C19orf44: variants seen among roughly 807,000 people sequenced by gnomAD.
C19orf44 encodes chromosome 19 open reading frame 44.
Under a neutral mutation model 50.7 loss-of-function variants are expected in C19orf44, and 43 were observed. That is an observed-to-expected ratio of 0.85 (90% CI 0.66 to 1.09). C19orf44 has a LOEUF of 1.09. Ranked by LOEUF, C19orf44 falls within the 50% of genes least tolerant of loss-of-function variation. The pLI is 0.00. For synonymous variants in C19orf44, 298 were observed against 334.7 expected (o/e 0.89, Z 1.20); for missense variants, 722 against 836.2 (o/e 0.86, Z 1.68).
rs373893265 is a variant in C19orf44, at chr19:16,509,582, C to T, written c.1233C>T (p.Ala411=). 8.1e-6 allele frequency: 13 copies of T among 1,613,566 alleles called. No homozygotes were observed. Among genetic ancestry groups the T allele is most frequent in the Non-Finnish European group, 1.1e-5 (13 of 1,179,690 alleles). The change falls in exon 5 of 9, where the codon GCC becomes GCT. Residue 411 remains alanine, a synonymous_variant. Coordinates refer to ENST00000221671, the MANE Select transcript of C19orf44 (RefSeq NM_032207.4). Reference sequence around the variant, plus strand: ...CTGGGCAGGATGCCCCGAGGCAGGCCCAGGCGAGGAGCTGGGCATCACAGG... The same window carrying T: ...CTGGGCAGGATGCCCCGAGGCAGGCTCAGGCGAGGAGCTGGGCATCACAGG... ...ASTGQDAPRQ[A]QARSWASQGK...
In C19orf44 at chr19:16,520,539, C is replaced by T; in HGVS notation, c.*486C>T. Reference sequence around the variant, plus strand: ...GGAGAGGCCTGATGATCAGGTGCCCCAGTGGATGGGCTGCACCCAGCCCAC... The same window carrying T: ...GGAGAGGCCTGATGATCAGGTGCCCTAGTGGATGGGCTGCACCCAGCCCAC... On this transcript the variant is annotated 3_prime_UTR_variant, in exon 9 of 9. Transcript: ENST00000221671. This position sits in a 1 kb window ranked among gnomAD's most constrained non-coding sequence, Gnocchi z 4.0. 6.3e-7 allele frequency: 1 copy of T among 1,597,868 alleles called. No homozygotes were observed. Among genetic ancestry groups the T allele is most frequent in the Non-Finnish European group, 8.5e-7 (1 of 1,171,438 alleles).
At position 16,513,224 on chromosome 19, in the gene C19orf44, C is replaced by A. The variant is rs2093462817; in HGVS notation, c.1735+115C>A. The A allele has an allele frequency of 1.2e-5, 12 of 1,021,406 alleles. No individual in the cohort carries two copies. In the Admixed American group the frequency reaches 1.5e-4, roughly 13 times the overall value. The allele number at this position is 1,021,406 out of a possible 1,614,324, so 63.3% of individuals were successfully genotyped here. Reference sequence around the variant, plus strand: ...CCCTTGCATGCTGGCTTCCAGGGGTCCATTGGGCAGGGATTATTGCAGCCA... The same window carrying A: ...CCCTTGCATGCTGGCTTCCAGGGGTACATTGGGCAGGGATTATTGCAGCCA... On this transcript the variant is annotated intron_variant, in intron 6 of 8. Transcript: ENST00000221671.
chr19:16,520,408 T>C lies in C19orf44; in HGVS notation c.*355T>C. On this transcript the variant is annotated 3_prime_UTR_variant, in exon 9 of 9. Transcript: ENST00000221671. The surrounding 1 kb of genome is among the most constrained non-coding windows in gnomAD (Gnocchi z 4.0). ...AGGAACGGGAGCAGGAGCGCGACCT[T>C]GACCTTGAGTACGAGCCTGAAGACT... is the stretch of plus-strand genomic sequence containing the variant. 1 of 1,614,022 alleles carries C rather than the reference T, an allele frequency of 6.2e-7. No individual in the cohort carries two copies. The highest frequency in any genetic ancestry group is 8.5e-7 in the Non-Finnish European group (1 of 1,179,966).
intron 3 of C19orf44, 63 bp from the exon 4 acceptor site, chr19:16,506,638 T>TA: frequency 8.8e-7 from 1 of 1,141,732 alleles, no homozygotes; most frequent in Non-Finnish European, 1.2e-6. Flanking sequence ...GGAAGGTTTG[T>TA]AAAAATTTAT....
rs754243003 is a variant in C19orf44, at chr19:16,501,454, T to C, written c.662T>C (p.Leu221Ser). ...PDSDEEEMKV[L>S]LGSLMDSSRE... ...AGTGACGAAGAAGAAATGAAAGTATTGCTAGGAAGCTTGATGGACTCTTCT... is the reference window on the plus strand; with the variant it reads ...AGTGACGAAGAAGAAATGAAAGTATCGCTAGGAAGCTTGATGGACTCTTCT... The change falls in exon 2 of 9, where the codon TTG becomes TCG. Residue 221 changes from leucine to serine, a missense_variant. Physicochemically the swap from Leu to Ser is moderately radical, Grantham distance 145. Transcript: ENST00000221671. The C allele has an allele frequency of 1.2e-6, 2 of 1,613,408 alleles. No homozygotes were observed. Among genetic ancestry groups the C allele is most frequent in the Non-Finnish European group, 1.7e-6 (2 of 1,179,810 alleles).
At chr19:16,511,569 A>G (rs552404674) in intron 5 of C19orf44, among the ~76,000 whole-genome samples, 2 of 151,774 alleles carry the variant, frequency 1.3e-5, no homozygotes, top group African/African-American at 4.8e-5. Context: ...TTCCCATGTT[A>G]TTATTTTATT....
chr19:16,519,773 C>G lies in C19orf44; in HGVS notation c.*41-321C>G. ...GTAACTGAGACATTTATTGGAATGA[C>G]AGTGATGAGGACCTCACAGCCGCAG... is the stretch of plus-strand genomic sequence containing the variant. On this transcript the variant is annotated intron_variant, in intron 8 of 8. Coordinates refer to ENST00000221671, the MANE Select transcript of C19orf44 (RefSeq NM_032207.4). This position sits in a 1 kb window ranked among gnomAD's most constrained non-coding sequence, Gnocchi z 6.0. 1 of 1,436,330 alleles carries G rather than the reference C, an allele frequency of 7.0e-7. No individual in the cohort carries two copies. The highest frequency in any genetic ancestry group is 1.1e-5 in the South Asian group (1 of 87,076). The allele number at this position is 1,436,330 out of a possible 1,614,324, so 89.0% of individuals were successfully genotyped here.
Position 16,520,409 on chromosome 19 carries a change from G to A in C19orf44, c.*356G>A. On this transcript the variant is annotated 3_prime_UTR_variant, in exon 9 of 9. Coordinates refer to ENST00000221671, the MANE Select transcript of C19orf44 (RefSeq NM_032207.4). The surrounding 1 kb of genome is among the most constrained non-coding windows in gnomAD (Gnocchi z 4.0). ...GGAACGGGAGCAGGAGCGCGACCTT[G>A]ACCTTGAGTACGAGCCTGAAGACTT... The A allele has an allele frequency of 6.2e-7, 1 of 1,614,118 alleles. No homozygotes were observed. The highest frequency in any genetic ancestry group is 8.5e-7 in the Non-Finnish European group (1 of 1,180,016).
At chr19:16,501,584 A>T (rs569082927) in intron 2 of C19orf44, 33 bp downstream of exon 2, 2 of 1,270,560 alleles carry the variant, frequency 1.6e-6, no homozygotes, top group African/African-American at 3.2e-5. Context: ...AATTTATTTT[A>T]ATTTATTTAA....
chr19:16,519,556 TG>T lies in C19orf44; in HGVS notation c.*41-536del. 1 of 1,437,752 alleles carries T rather than the reference TG, an allele frequency of 7.0e-7. No homozygotes were observed. Among genetic ancestry groups the T allele is most frequent in the Non-Finnish European group, 9.8e-7 (1 of 1,021,852 alleles). 89.1% of individuals were successfully genotyped at this position (1,437,752 alleles called of 1,614,324 possible). ...ACATGCACTGAGGAAGAGAAAGCGC[TG>T]GTGACTCCCGGGCCCAGCACGCGTG... On this transcript the variant is annotated intron_variant, in intron 8 of 8. Coordinates refer to ENST00000221671, the MANE Select transcript of C19orf44 (RefSeq NM_032207.4). This position sits in a 1 kb window ranked among gnomAD's most constrained non-coding sequence, Gnocchi z 6.0.
rs187202501 is a variant in C19orf44, at chr19:16,508,149, G to T, written c.1150-1350G>T. ...GACACAGTCTCGCTCTGTCGCCCAG[G>T]CTGGGACTACAGTGGCACAATCTCA... On this transcript the variant is annotated intron_variant, in intron 4 of 8. Transcript: ENST00000221671. Among the ~76,000 whole-genome samples, 10 of 151,066 alleles carry T rather than the reference G, an allele frequency of 6.6e-5. No homozygotes were observed. The East Asian group carries it at 1.6e-3, about 24-fold the overall frequency.
Position 16,501,467 on chromosome 19 carries a change from G to A in C19orf44, c.675G>A (p.Leu225=). 6 of 1,613,026 alleles carry A rather than the reference G, an allele frequency of 3.7e-6. No individual in the cohort carries two copies. The highest frequency in any genetic ancestry group is 5.1e-6 in the Non-Finnish European group (6 of 1,179,616). ...EEEMKVLLGS[L]MDSSREKNTN... ...AAATGAAAGTATTGCTAGGAAGCTT[G>A]ATGGACTCTTCTAGAGAAAAAAACA... is the stretch of plus-strand genomic sequence containing the variant. Residue 225 remains leucine, a synonymous_variant, in exon 2 of 9, where the codon TTG becomes TTA. Transcript: ENST00000221671.
intron 5 of C19orf44, among the ~76,000 whole-genome samples, chr19:16,511,317 G>C (rs982316670): frequency 6.6e-6 from 1 of 151,962 alleles, no homozygotes. Context: ...TTATAGGTGT[G>C]AGCCACCGCA....
Position 16,503,235 on chromosome 19 carries a change from C to A in C19orf44, c.930C>A (p.His310Gln). 1 of 1,614,172 alleles carries A rather than the reference C, an allele frequency of 6.2e-7. No homozygotes were observed. The highest frequency in any genetic ancestry group is 8.5e-7 in the Non-Finnish European group (1 of 1,180,050). ...ACGTTTCCAGTGACACCGCCTCCCA[C>A]ACGCCGTCAGTTTCCATCACAGGCG... Reference protein sequence around the residue: ...QSHVSSDTASHTPSVSITGAF... With the variant: ...QSHVSSDTASQTPSVSITGAF... The change falls in exon 3 of 9, where the codon CAC becomes CAA. Residue 310 changes from histidine (H) to glutamine (Q), a missense_variant. Coordinates refer to ENST00000221671, the MANE Select transcript of C19orf44 (RefSeq NM_032207.4).
chr19:16,518,759 T>C, intron 8 of C19orf44: 1 of 222,416 alleles, frequency 4.5e-6, no homozygotes, highest in Non-Finnish European at 8.9e-6. Context: ...GGGTGCCGGC[T>C]CTGGCTCAGG....
At chr19:16,500,623 G>A (rs915410718) in intron 1 of C19orf44, among the ~76,000 whole-genome samples, 169 bp from the exon 2 acceptor site, 4 of 152,116 alleles carry the variant, frequency 2.6e-5, no homozygotes, top group African/African-American at 9.7e-5. Context: ...GATTACAGGT[G>A]TGAGCCACTG....
chr19:16,509,639 C>T lies in C19orf44; in HGVS notation c.1290C>T (p.Ser430=), dbSNP rs147614229. ...GKAASAEGDE[S]EVSEHLSASS... Reference sequence around the variant, plus strand: ...CCGCCTCTGCAGAGGGGGATGAGAGCGAGGTCTCGGAGCATCTCAGTGCCA... The same window carrying T: ...CCGCCTCTGCAGAGGGGGATGAGAGTGAGGTCTCGGAGCATCTCAGTGCCA... Residue 430 remains serine (S), a synonymous_variant, in exon 5 of 9, where the codon AGC becomes AGT. Transcript: ENST00000221671. The T allele has an allele frequency of 2.3e-4, 365 of 1,614,112 alleles. No individual in the cohort carries two copies. Among genetic ancestry groups the T allele is most frequent in the Non-Finnish European group, 2.5e-4 (294 of 1,180,048 alleles).
chr19:16,512,907 A>G (rs1199295210), intron 5 of C19orf44, 107 bp from the exon 6 acceptor site: 3 of 881,684 alleles, frequency 3.4e-6, no homozygotes, highest in Non-Finnish European at 5.1e-6. Flanking sequence ...ACCTTCAGAA[A>G]GAGGGAAGAA....
intron 5 of C19orf44, among the ~76,000 whole-genome samples, chr19:16,512,557 C>T (rs2093460560): frequency 6.6e-6 from 1 of 151,896 alleles, no homozygotes; most frequent in Admixed American, 6.6e-5. Flanking sequence ...TTGGGAAATA[C>T]TTGAAAGGGG....
Sources: allele counts gnomAD v4.1 joint callset (sites outside exome capture counted in the v4.1 genomes callset), GRCh38; gene constraint gnomAD v4.1.1; non-coding constraint Gnocchi (gnomAD v3.1); transcripts MANE v1.5; gene names NCBI Gene and HGNC (gene_info 2026-07-23, HGNC 2026-07-21).